The following GPC5 variants were observed in gnomAD, a reference collection of about 807,000 sequenced individuals.
The protein encoded by GPC5 is glypican 5.
In GPC5, 47 loss-of-function variants were observed where a neutral mutation model predicts 53.9. That is an observed-to-expected ratio of 0.87 (90% CI 0.69 to 1.11). GPC5 has a LOEUF of 1.11. GPC5 is among the 50% of genes most tolerant of loss of function. The pLI, the probability that GPC5 is intolerant of heterozygous loss-of-function variation, is 0.00. For synonymous variants in GPC5, 286 were observed against 263.3 expected (o/e 1.09, Z -0.84); for missense variants, 748 against 713.1 (o/e 1.05, Z -0.56).
At chr13:91,491,792 A>G (rs1354428639) in intron 2 of GPC5, among the ~76,000 whole-genome samples, 1 of 152,110 alleles carries the variant, frequency 6.6e-6, no homozygotes, top group African/African-American at 2.4e-5. Context: ...CCTGTCTTCT[A>G]TAAGTAATGC....
chr13:92,491,057 T>A (rs917117250), intron 7 of GPC5, among the ~76,000 whole-genome samples: 2 of 152,080 alleles, frequency 1.3e-5, no homozygotes, highest in Non-Finnish European at 2.9e-5. Context: ...AGTTTCTGCT[T>A]AGTGACAAAT....
intron 7 of GPC5, among the ~76,000 whole-genome samples, chr13:92,675,744 A>C (rs12875425): frequency 0.22 from 33,603 of 152,000 alleles, 4,380 homozygotes; most frequent in South Asian, 0.36. Flanking sequence ...AAAATTGTAA[A>C]TGGTGTAAGT....
intron 6 of GPC5, among the ~76,000 whole-genome samples, chr13:91,913,126 C>T (rs2039625405): frequency 6.6e-6 from 1 of 152,056 alleles, no homozygotes; most frequent in African/African-American, 2.4e-5. Flanking sequence ...TTTGGCTGGG[C>T]CTGGTGGCTC....
At chr13:91,734,454 T>G (rs1305517606) in intron 4 of GPC5, among the ~76,000 whole-genome samples, 1 of 151,246 alleles carries the variant, frequency 6.6e-6, no homozygotes, top group Non-Finnish European at 1.5e-5. Flanking sequence ...TAAAACTCGA[T>G]TTTCATTTGA....
intron 2 of GPC5, among the ~76,000 whole-genome samples, chr13:91,529,059 C>A (rs556559271): frequency 6.6e-6 from 1 of 152,244 alleles, no homozygotes; most frequent in South Asian, 2.1e-4. Context: ...TAAGGAAAAG[C>A]TGATATTATT....
At chr13:92,260,655 A>G (rs2042759875) in intron 7 of GPC5, among the ~76,000 whole-genome samples, 1 of 152,158 alleles carries the variant, frequency 6.6e-6, no homozygotes, top group Non-Finnish European at 1.5e-5. Context: ...ACCCATAGCC[A>G]CAGGAAATAA....
At chr13:92,506,689 G>C (rs1029415854) in intron 7 of GPC5, among the ~76,000 whole-genome samples, 2 of 152,088 alleles carry the variant, frequency 1.3e-5, no homozygotes, top group African/African-American at 4.8e-5. Flanking sequence ...TCCCTGAGGA[G>C]AACGTAGGAA....
At chr13:91,827,392 G>A (rs973073660) in intron 5 of GPC5, among the ~76,000 whole-genome samples, 36 of 151,806 alleles carry the variant, frequency 2.4e-4, no homozygotes, top group Non-Finnish European at 3.1e-4. Context: ...ACACAGGCAC[G>A]AATTGGAATA....
intron 5 of GPC5, among the ~76,000 whole-genome samples, chr13:91,842,657 G>A (rs1300579084): frequency 3.1e-5 from 3 of 96,152 alleles, no homozygotes; most frequent in Non-Finnish European, 6.1e-5. Context: ...AGCCGAGATC[G>A]CGCCACTGCA....
At chr13:91,983,689 T>G (rs1298434434) in intron 6 of GPC5, among the ~76,000 whole-genome samples, 1 of 152,108 alleles carries the variant, frequency 6.6e-6, no homozygotes, top group Non-Finnish European at 1.5e-5. Flanking sequence ...GATAAGGCCA[T>G]TTGTAGCTTG....
At chr13:91,661,607 G>C (rs2034990581) in intron 2 of GPC5, among the ~76,000 whole-genome samples, 1 of 152,210 alleles carries the variant, frequency 6.6e-6, no homozygotes, top group Non-Finnish European at 1.5e-5. Flanking sequence ...TTGAGAGTGG[G>C]TTATATTAAA....
intron 7 of GPC5, among the ~76,000 whole-genome samples, chr13:92,575,053 C>G (rs1883148764): frequency 6.6e-6 from 1 of 152,168 alleles, no homozygotes; most frequent in South Asian, 2.1e-4. Flanking sequence ...AGGCGCTACC[C>G]TTGGCAATAG....
intron 3 of GPC5, among the ~76,000 whole-genome samples, chr13:91,696,510 C>A (rs150368222): frequency 6.6e-6 from 1 of 152,208 alleles, no homozygotes; most frequent in East Asian, 1.9e-4. Flanking sequence ...ACTTTGATAA[C>A]CAGTTCGCAC....
At chr13:92,844,981 G>C (rs539682679) in intron 7 of GPC5, among the ~76,000 whole-genome samples, 2 of 152,064 alleles carry the variant, frequency 1.3e-5, no homozygotes, top group South Asian at 4.2e-4. Context: ...GTTTCCATTT[G>C]GCTACAGCTG....
rs887429936 is a variant in GPC5, at chr13:91,807,618, T to C, written c.1280+51198T>C. 5.5e-4 allele frequency among the ~76,000 whole-genome samples: 84 copies of C among 152,318 alleles called. 1 individual carries two copies. Among genetic ancestry groups the C allele is most frequent in the African/African-American group, 1.9e-3 (80 of 41,566 alleles). ...TTGTGTTTGTTTTCTATTGTAAATT[T>C]GGTAGACTTAATTACGGGTGATAAT... On this transcript the variant is annotated intron_variant, in intron 5 of 7. Coordinates refer to ENST00000377067, the MANE Select transcript of GPC5 (RefSeq NM_004466.6).
chr13:91,982,167 G>C (rs12184715), intron 6 of GPC5, among the ~76,000 whole-genome samples: 62 of 152,316 alleles, frequency 4.1e-4, no homozygotes, highest in African/African-American at 1.5e-3. Flanking sequence ...GCCATGGCCA[G>C]AGGCAGAGGT....
intron 7 of GPC5, among the ~76,000 whole-genome samples, chr13:92,543,271 G>A (rs901407686): frequency 6.6e-6 from 1 of 151,694 alleles, no homozygotes; most frequent in African/African-American, 2.4e-5. Context: ...GTTCTCAATT[G>A]TGTGTTTTAT....
chr13:92,635,006 A>G (rs922194462), intron 7 of GPC5, among the ~76,000 whole-genome samples: 5 of 151,762 alleles, frequency 3.3e-5, no homozygotes, highest in African/African-American at 4.8e-5. Context: ...ATTATAAAAT[A>G]TTTTACTCTT....
rs75693690 is a variant in GPC5, at chr13:92,733,003, A to G, written c.1562-133279A>G. 6.2e-3 allele frequency among the ~76,000 whole-genome samples: 939 copies of G among 151,714 alleles called. 11 individuals are homozygous for G. The highest frequency in any genetic ancestry group is 0.022 in the African/African-American group (892 of 41,468). On this transcript the variant is annotated intron_variant, in intron 7 of 7. Transcript: ENST00000377067. The stretch of plus-strand genomic sequence containing the variant: ...CTTAACCTTCCTGTGGTTCTCTGGC[A>G]TTCAATTTCTTTCTGCTGTTTCTTG...
Sources: gnomAD v4.1 joint callset for allele counts (sites outside exome capture counted in the v4.1 genomes callset) on GRCh38, gnomAD v4.1.1 for gene constraint, MANE v1.5 for transcripts, NCBI Gene and HGNC (gene_info 2026-07-23, HGNC 2026-07-21) for gene names.